The following SLCO2B1 variants were observed in gnomAD, a reference collection of about 807,000 sequenced individuals.
SLCO2B1 encodes OATP-RP2.
A neutral mutation model predicts 67.3 loss-of-function variants in SLCO2B1; 41 were observed. That is an observed-to-expected ratio of 0.61 (90% CI 0.47 to 0.79). The LOEUF is 0.79. Among genes scored for constraint, SLCO2B1 ranks in the 30% least tolerant of loss-of-function variants. The pLI is 0.00. For missense variants in SLCO2B1, 837 were observed against 920.1 expected (o/e 0.91, Z 1.17); for synonymous variants, 379 against 381.4 (o/e 0.99, Z 0.07).
intron 1 of SLCO2B1, among the ~76,000 whole-genome samples, chr11:75,158,793 G>A (rs1482811795): frequency 6.6e-6 from 1 of 152,198 alleles, no homozygotes; most frequent in East Asian, 1.9e-4. Context: ...CAGGTCTGAG[G>A]CCTTAAAGCC....
chr11:75,182,198 C>T (rs1287401955), intron 7 of SLCO2B1, among the ~76,000 whole-genome samples: 2 of 152,200 alleles, frequency 1.3e-5, no homozygotes, highest in African/African-American at 4.8e-5. Flanking sequence ...GATGTCACCC[C>T]TGACCACCCA....
At chr11:75,201,436 A>T (rs544411007) in intron 11 of SLCO2B1, 7 of 152,292 alleles carry the variant, frequency 4.6e-5, no homozygotes, top group African/African-American at 9.6e-5. Flanking sequence ...TCTGCAGTGG[A>T]CCCTAGCCAG....
At chr11:75,163,829 C>A in intron 2 of SLCO2B1, 134 bp from the exon 3 acceptor site, 2 of 1,002,204 alleles carry the variant, frequency 2.0e-6, no homozygotes, top group Non-Finnish European at 2.9e-6. Flanking sequence ...TTCTGTTGGT[C>A]ACTCTCCCGC....
At chr11:75,188,480 C>T (rs1264577667) in intron 8 of SLCO2B1, among the ~76,000 whole-genome samples, 2 of 152,212 alleles carry the variant, frequency 1.3e-5, no homozygotes, top group African/African-American at 2.4e-5. Flanking sequence ...AATCCCAGCA[C>T]TTTGGGAGGC....
At chr11:75,187,746 T>C (rs1944957454) in intron 7 of SLCO2B1, among the ~76,000 whole-genome samples, 1 of 152,084 alleles carries the variant, frequency 6.6e-6, no homozygotes, top group African/African-American at 2.4e-5. Flanking sequence ...GTGACTAAAT[T>C]TGTCATTTAG....
At chr11:75,152,337 C>A (rs897862047) in intron 1 of SLCO2B1, 16 of 152,522 alleles carry the variant, frequency 1.0e-4, no homozygotes, top group African/African-American at 3.8e-4. Context: ...TTGGGCAAGG[C>A]CCCACTTGCT....
intron 1 of SLCO2B1, among the ~76,000 whole-genome samples, chr11:75,154,623 A>G (rs944630821): frequency 2.0e-5 from 3 of 152,236 alleles, no homozygotes; most frequent in Non-Finnish European, 4.4e-5. Context: ...TCCACTGGTA[A>G]CAGAGCCCTT....
intron 4 of SLCO2B1, 68 bp from the exon 5 acceptor site, chr11:75,169,105 T>TC: frequency 7.7e-7 from 1 of 1,300,546 alleles, no homozygotes; most frequent in Non-Finnish European, 1.1e-6. Flanking sequence ...GAACAGTACC[T>TC]TCCCCCGGGG....
chr11:75,199,871 GC>G (rs1202706006), intron 10 of SLCO2B1: 2 of 261,324 alleles, frequency 7.7e-6, no homozygotes, highest in Non-Finnish European at 1.5e-5. Context: ...ACTCCAGGGG[GC>G]AAGCCCGGGG....
chr11:75,162,480 A>G (rs891394778), intron 1 of SLCO2B1, among the ~76,000 whole-genome samples, 175 bp from the exon 2 acceptor site: 9 of 152,162 alleles, frequency 5.9e-5, no homozygotes. Flanking sequence ...CCCTTCCAGA[A>G]CTGTGACCTA....
chr11:75,192,301 T>C (rs1945033478), intron 8 of SLCO2B1, among the ~76,000 whole-genome samples: 3 of 152,244 alleles, frequency 2.0e-5, no homozygotes, highest in Admixed American at 2.0e-4. Context: ...TCCCAGGCTC[T>C]GGAGATTTAG....
chr11:75,204,107 G>A (rs1945231426), intron 13 of SLCO2B1: 1 of 261,016 alleles, frequency 3.8e-6, no homozygotes, highest in Non-Finnish European at 7.2e-6. Flanking sequence ...GGCAGGTGGC[G>A]CAATATAAAA....
intron 13 of SLCO2B1, 177 bp downstream of exon 13, chr11:75,203,604 T>C (rs1291812158): frequency 4.1e-6 from 3 of 731,198 alleles, no homozygotes; most frequent in Non-Finnish European, 6.6e-6. Context: ...CCCCCTCCTT[T>C]TATAGATGAG....
chr11:75,201,913 G>T (rs1004725949), intron 11 of SLCO2B1: 1 of 152,112 alleles, frequency 6.6e-6, no homozygotes, highest in African/African-American at 2.4e-5. Flanking sequence ...TGGAGGTTGG[G>T]GCTGAAAGTC....
At position 75,196,605 on chromosome 11, in the gene SLCO2B1, C is replaced by T. The variant is rs1437414075; in HGVS notation, c.1525C>T (p.Arg509Cys). Residue 509 changes from arginine (R) to cysteine (C), a missense_variant, in exon 10 of 14, where the codon CGT becomes TGT. By Grantham distance (180) the Arg-to-Cys change is radical (BLOSUM62 -3). Coordinates refer to ENST00000289575, the MANE Select transcript of SLCO2B1 (RefSeq NM_007256.5). ...TAACCCTGTCTGCGACCCCAGCACT[C>T]GTGTGGAATACATCACACCCTGCCA... ...GFNPVCDPST[R>C]VEYITPCHAG... 4.3e-6 allele frequency: 7 copies of T among 1,613,958 alleles called. No individual in the cohort carries two copies. Among genetic ancestry groups the T allele is most frequent in the Admixed American group, 1.7e-5 (1 of 60,000 alleles).
rs373766402 is a variant in SLCO2B1 at position 75,179,890 on chromosome 11, C to T, written c.972+7321C>T. On this transcript the variant is annotated intron_variant, in intron 7 of 13. Transcript: ENST00000289575. ...TGGCTGGGATTACAGGCTCCAGGCT[C>T]CATGTTGGCCAGGCTGGTCTTGAAC... Among the ~76,000 whole-genome samples, 5 of 152,120 alleles carry T rather than the reference C, an allele frequency of 3.3e-5. No homozygotes were observed. In the East Asian group the frequency reaches 9.7e-4, roughly 29 times the overall value.
chr11:75,185,745 T>C (rs1281532977), intron 7 of SLCO2B1, among the ~76,000 whole-genome samples: 1 of 152,070 alleles, frequency 6.6e-6, no homozygotes, highest in Non-Finnish European at 1.5e-5. Context: ...GAGCAGGGTG[T>C]TCCCGAAAGT....
At chr11:75,192,982 G>A (rs1439141250) in intron 8 of SLCO2B1, among the ~76,000 whole-genome samples, 1 of 152,172 alleles carries the variant, frequency 6.6e-6, no homozygotes, top group South Asian at 2.1e-4. Context: ...GGCAGAGGTT[G>A]CAGTGAGCTG....
chr11:75,190,078 G>A (rs189035793), intron 8 of SLCO2B1, among the ~76,000 whole-genome samples: 5 of 152,216 alleles, frequency 3.3e-5, no homozygotes, highest in East Asian at 1.9e-4. Context: ...GGGCCTAGAC[G>A]CAGCGGCCGG....
Sources: allele counts gnomAD v4.1 joint callset (sites outside exome capture counted in the v4.1 genomes callset), GRCh38; gene constraint gnomAD v4.1.1; transcripts MANE v1.5; gene names NCBI Gene and HGNC (gene_info 2026-07-23, HGNC 2026-07-21).